The following KCNMA1 variants were observed in gnomAD, a reference collection of about 807,000 sequenced individuals.
KCNMA1 encodes Calcium-activated potassium channel subunit alpha-1.
Under a neutral mutation model 140.0 loss-of-function variants are expected in KCNMA1, and 29 were observed. The ratio of observed to expected loss-of-function variants is 0.21; its 90% CI spans 0.15 to 0.28. The LOEUF (loss-of-function observed/expected upper bound fraction) is 0.28, where lower values mean the gene tolerates loss of function less well. Ranked by LOEUF, KCNMA1 falls within the 10% of genes least tolerant of loss-of-function variation. The pLI is 1.00. For synonymous variants in KCNMA1, 612 were observed against 611.9 expected (o/e 1.00, Z 0.00); for missense variants, 880 against 1,602.2 (o/e 0.55, Z 7.70).
chr10:77,521,663 G>A (rs2053447019), intron 1 of KCNMA1, among the ~76,000 whole-genome samples: 1 of 152,038 alleles, frequency 6.6e-6, no homozygotes, highest in African/African-American at 2.4e-5. Context: ...TGAAAATGTG[G>A]GCATTATCAA....
At chr10:77,017,763 G>T (rs1182454446) in intron 17 of KCNMA1, among the ~76,000 whole-genome samples, 1 of 152,132 alleles carries the variant, frequency 6.6e-6, no homozygotes, top group Admixed American at 6.6e-5. Context: ...CAACTTCCTG[G>T]CTTTATTCCT....
intron 3 of KCNMA1, among the ~76,000 whole-genome samples, chr10:77,215,586 A>C (rs1030782170): frequency 2.0e-5 from 3 of 152,124 alleles, no homozygotes; most frequent in African/African-American, 7.2e-5. Flanking sequence ...GTAAACTTAT[A>C]AGGGCCAAGA....
At chr10:76,918,893 T>G (rs36143700) in intron 23 of KCNMA1, among the ~76,000 whole-genome samples, 3 of 149,082 alleles carry the variant, frequency 2.0e-5, no homozygotes, top group Non-Finnish European at 1.5e-5. Flanking sequence ...TATATATATA[T>G]ACACACACAC....
chr10:77,365,190 A>G (rs1301577796), intron 2 of KCNMA1, among the ~76,000 whole-genome samples: 1 of 152,192 alleles, frequency 6.6e-6, no homozygotes. Flanking sequence ...TAGCAATTGG[A>G]CCAAATGACA....
chr10:77,257,251 C>A (rs2060974728), intron 2 of KCNMA1, among the ~76,000 whole-genome samples: 1 of 152,116 alleles, frequency 6.6e-6, no homozygotes, highest in South Asian at 2.1e-4. Flanking sequence ...ATAACAATGC[C>A]AACAAACATT....
intron 2 of KCNMA1, among the ~76,000 whole-genome samples, chr10:77,379,840 AT>A (rs1356602280): frequency 1.3e-5 from 2 of 152,120 alleles, no homozygotes; most frequent in East Asian, 3.9e-4. Context: ...AATACAAAAC[AT>A]TTGGTGTCCA....
Position 77,142,163 on chromosome 10 carries a change from C to T in KCNMA1, c.809-21115G>A, listed in dbSNP as rs564001818. 4.6e-5 allele frequency among the ~76,000 whole-genome samples: 7 copies of T among 151,994 alleles called. No individual in the cohort carries two copies. The South Asian group carries it at 1.0e-3, about 23-fold the overall frequency. On this transcript the variant is annotated intron_variant, in intron 5 of 27. Coordinates refer to ENST00000286628, the MANE Select transcript of KCNMA1 (RefSeq NM_001161352.2). ...CAGGCGGATCACAAGGTCAGGAGAT[C>T]GAGACCATTCTGGCTAACACGGTGA...
In KCNMA1 at chr10:77,637,761, G is replaced by T; in HGVS notation, c.-119C>A. On this transcript the variant is annotated 5_prime_UTR_variant, in exon 1 of 28. Coordinates refer to ENST00000286628, the MANE Select transcript of KCNMA1 (RefSeq NM_001161352.2). ...CTGCTGCCGCCGCCGCCGCCGCCGC[G>T]GAGCGCGGGAGGGGGGCGGGGAGGC... 2 of 1,208,914 alleles carry T rather than the reference G, an allele frequency of 1.7e-6. No individual in the cohort carries two copies. Among genetic ancestry groups the T allele is most frequent in the Non-Finnish European group, 2.1e-6 (2 of 957,730 alleles). The allele number at this position is 1,208,914 out of a possible 1,614,324, so 74.9% of individuals were successfully genotyped here.
chr10:77,636,315 C>T, intron 1 of KCNMA1: 1 of 1,511,228 alleles, frequency 6.6e-7, no homozygotes, highest in Non-Finnish European at 8.8e-7. Context: ...ACAGACCAGG[C>T]AGTGAGCCTA....
At chr10:77,067,390 A>G (rs975221416) in intron 14 of KCNMA1, among the ~76,000 whole-genome samples, 1 of 152,024 alleles carries the variant, frequency 6.6e-6, no homozygotes, top group Admixed American at 6.5e-5. Context: ...AGACTATACC[A>G]TCTTCTTTCC....
At chr10:76,914,523 C>T (rs969649379) in intron 24 of KCNMA1, 8 of 329,342 alleles carry the variant, frequency 2.4e-5, no homozygotes, top group East Asian at 1.3e-4. Context: ...GGCTTAGATC[C>T]GAGGCTTTGT....
chr10:76,885,892 C>T lies in KCNMA1; in HGVS notation c.*1374G>A, dbSNP rs2036675690. 1 of 985,352 alleles carries T rather than the reference C, an allele frequency of 1.0e-6. No homozygotes were observed. Among genetic ancestry groups the T allele is most frequent in the African/African-American group, 1.7e-5 (1 of 57,358 alleles). 61.0% of individuals were successfully genotyped at this position (985,352 alleles called of 1,614,324 possible). A position where few individuals can be genotyped will look rare whatever the true frequency, so the allele number is the denominator to read the frequency against. On this transcript the variant is annotated 3_prime_UTR_variant, in exon 28 of 28. Coordinates refer to ENST00000286628, the MANE Select transcript of KCNMA1 (RefSeq NM_001161352.2). Reference sequence around the variant, plus strand: ...TAACTATACCAAAATGTGTTTGGCTCACTGTTGCACTCTTCTTATCCCACG... The same window carrying T: ...TAACTATACCAAAATGTGTTTGGCTTACTGTTGCACTCTTCTTATCCCACG...
chr10:77,323,330 T>A (rs1472056331), intron 2 of KCNMA1, among the ~76,000 whole-genome samples: 1 of 152,232 alleles, frequency 6.6e-6, no homozygotes, highest in Non-Finnish European at 1.5e-5. Flanking sequence ...AAGAGTTGAA[T>A]CTTTCCTTTA....
At chr10:77,581,526 C>T (rs1220203757) in intron 1 of KCNMA1, among the ~76,000 whole-genome samples, 7 of 152,130 alleles carry the variant, frequency 4.6e-5, no homozygotes, top group African/African-American at 7.2e-5. Flanking sequence ...AGGATGGTCT[C>T]GATCTCCTGA....
chr10:77,264,493 T>C, intron 2 of KCNMA1, among the ~76,000 whole-genome samples: 1 of 152,204 alleles, frequency 6.6e-6, no homozygotes, highest in East Asian at 1.9e-4. Context: ...GAAGATCATG[T>C]GTATGATGTT....
At chr10:77,123,127 C>A (rs988711859) in intron 5 of KCNMA1, among the ~76,000 whole-genome samples, 2 of 126,030 alleles carry the variant, frequency 1.6e-5, no homozygotes, top group Non-Finnish European at 3.1e-5. Context: ...TTGCAGTAAG[C>A]CGAGATCGCG....
chr10:77,162,212 A>G (rs1419949540), intron 5 of KCNMA1, among the ~76,000 whole-genome samples: 1 of 152,248 alleles, frequency 6.6e-6, no homozygotes, highest in Non-Finnish European at 1.5e-5. Flanking sequence ...TAAGGGAATT[A>G]TGCCCCCATG....
chr10:77,049,764 C>A (rs932828706), intron 14 of KCNMA1, among the ~76,000 whole-genome samples: 2 of 152,164 alleles, frequency 1.3e-5, no homozygotes, highest in African/African-American at 2.4e-5. Flanking sequence ...TAAATCAATT[C>A]TGCTTCTGAG....
chr10:76,994,647 T>C (rs2083680531), intron 19 of KCNMA1, among the ~76,000 whole-genome samples: 2 of 152,208 alleles, frequency 1.3e-5, no homozygotes, highest in African/African-American at 4.8e-5. Flanking sequence ...CCTCCCTCTG[T>C]CTCTCCTCAC....
Sources: gnomAD v4.1 joint callset for allele counts (sites outside exome capture counted in the v4.1 genomes callset) on GRCh38, gnomAD v4.1.1 for gene constraint, MANE v1.5 for transcripts, NCBI Gene and HGNC (gene_info 2026-07-23, HGNC 2026-07-21) for gene names.